Variants in CEP170B observed in about 807,000 individuals in gnomAD.
CEP170B encodes the protein centrosomal protein 170B, also known as centrosomal protein of 170 kDa protein B.
CEP170B carries 55 observed loss-of-function variants against 120.6 expected under a neutral mutation model. That is an observed-to-expected ratio of 0.46 (90% CI 0.37 to 0.57). CEP170B has a LOEUF of 0.57. Ranked by LOEUF, CEP170B falls within the 20% of genes least tolerant of loss-of-function variation. The probability of loss-of-function intolerance (pLI) is 0.00; values close to 1 mark genes in which losing one functional copy is unlikely to be tolerated. For synonymous variants in CEP170B, 1,033 were observed against 954.5 expected, an observed-to-expected ratio of 1.08 and a Z score of -1.52; for missense variants, 2,212 against 2,253.3, an observed-to-expected ratio of 0.98 and a Z score of 0.37.
At chr14:104,880,481 GC>G in intron 6 of CEP170B, 56 bp downstream of exon 6, 2 of 1,582,584 alleles carry the variant, frequency 1.3e-6, no homozygotes, top group Non-Finnish European at 1.7e-6. Flanking sequence ...CAGGCCCTCT[GC>G]CCCGCACCTG....
intron 13 of CEP170B, among the ~76,000 whole-genome samples, chr14:104,890,074 ATGGG>A (rs1896730532): frequency 3.8e-5 from 2 of 52,898 alleles, no homozygotes; most frequent in African/African-American, 7.7e-5. Flanking sequence ...GGGTGGGTGG[ATGGG>A]TGGATGGCTG....
At chr14:104,885,008 A>C (rs1363541845) in intron 9 of CEP170B, among the ~76,000 whole-genome samples, 2 of 79,352 alleles carry the variant, frequency 2.5e-5, no homozygotes, top group Admixed American at 3.4e-4. Flanking sequence ...TCGGGGGTGG[A>C]GGCGATGCCG....
At position 104,868,280 on chromosome 14, in the gene CEP170B, G is replaced by C; in HGVS notation, c.-27-144G>C. Reference sequence around the variant, plus strand: ...TCGGGACCATACCCAGGGAGGGCGGGTGGCCTGATGAGGCTGGAGCCCAGC... The same window carrying C: ...TCGGGACCATACCCAGGGAGGGCGGCTGGCCTGATGAGGCTGGAGCCCAGC... On this transcript the variant is annotated intron_variant, in intron 1 of 18. Transcript: ENST00000414716. This position sits in a 1 kb window ranked among gnomAD's most constrained non-coding sequence, Gnocchi z 5.9. The C allele has an allele frequency of 1.6e-6, 1 of 613,912 alleles. No homozygotes were observed. The highest frequency in any genetic ancestry group is 2.8e-6 in the Non-Finnish European group (1 of 351,050). The allele number at this position is 613,912 out of a possible 1,614,324, so 38.0% of individuals were successfully genotyped here. A position where few individuals can be genotyped will look rare whatever the true frequency, so the allele number is the denominator to read the frequency against.
chr14:104,876,403 C>T, intron 3 of CEP170B, 58 bp downstream of exon 3: 1 of 1,497,628 alleles, frequency 6.7e-7, no homozygotes, highest in Non-Finnish European at 9.1e-7. Context: ...AGCCCTGGCC[C>T]CTCCCTCTCA....
In CEP170B at chr14:104,889,679, C is replaced by G; in HGVS notation, c.3799C>G (p.Arg1267Gly). ...SRARSRAPGP[R>G]DTDDDEEEPD... Reference sequence around the variant, plus strand: ...GGCTCGTTCCCGGGCCCCCGGCCCCCGGGACACGGACGACGATGAGGAGGA... The same window carrying G: ...GGCTCGTTCCCGGGCCCCCGGCCCCGGGGACACGGACGACGATGAGGAGGA... Residue 1267 changes from arginine to glycine, a missense_variant, in exon 13 of 19, where the codon CGG becomes GGG. Coordinates refer to ENST00000414716, the MANE Select transcript of CEP170B (RefSeq NM_001112726.3). The G allele has an allele frequency of 6.2e-7, 1 of 1,612,106 alleles. No individual in the cohort carries two copies. Among genetic ancestry groups the G allele is most frequent in the South Asian group, 1.1e-5 (1 of 91,054 alleles).
rs1421770647 is a variant in CEP170B, at chr14:104,887,634, G to C, written c.3395G>C (p.Gly1132Ala). 6.4e-7 allele frequency: 1 copy of C among 1,561,098 alleles called. No homozygotes were observed. Among genetic ancestry groups the C allele is most frequent in the Non-Finnish European group, 8.7e-7 (1 of 1,155,536 alleles). ...TCCCGGCTGAGGCGGGCCCGGCTGG[G>C]GGACGCTTCAGACACTGAGGCTGCG... ...RASRLRRARL[G>A]DASDTEAADG... is the part of the protein sequence containing the mutation. The change falls in exon 12 of 19, where the codon GGG becomes GCG. Residue 1132 changes from glycine (G) to alanine (A), a missense_variant. Around this residue, in one of 2 missense-constraint regions of CEP170B, gnomAD observed 2,166 missense variants for 2,166.7 expected, o/e 1.00. Coordinates refer to ENST00000414716, the MANE Select transcript of CEP170B (RefSeq NM_001112726.3).
intron 3 of CEP170B, 145 bp downstream of exon 3, chr14:104,876,490 G>T: frequency 1.5e-6 from 1 of 664,198 alleles, no homozygotes; most frequent in South Asian, 1.8e-5. Flanking sequence ...TCCTCCCCCA[G>T]CCATAGCCCC....
intron 2 of CEP170B, among the ~76,000 whole-genome samples, chr14:104,873,688 A>T (rs186101619): frequency 6.6e-5 from 10 of 152,020 alleles, no homozygotes; most frequent in Admixed American, 4.6e-4. Flanking sequence ...CCAGGCTGGA[A>T]ACCCCTCCAG....
intron 2 of CEP170B, among the ~76,000 whole-genome samples, chr14:104,872,255 T>G (rs548580316): frequency 4.7e-5 from 6 of 126,724 alleles, no homozygotes; most frequent in African/African-American, 1.9e-4. Flanking sequence ...GTGTGTGCCA[T>G]GTGTGTGCGT....
chr14:104,886,318 G>C lies in CEP170B; in HGVS notation c.2079G>C (p.Leu693=). 6.5e-7 allele frequency: 1 copy of C among 1,549,498 alleles called. No individual in the cohort carries two copies. The highest frequency in any genetic ancestry group is 8.7e-7 in the Non-Finnish European group (1 of 1,152,140). Residue 693 remains leucine (L), a synonymous_variant, in exon 12 of 19, where the codon CTG becomes CTC. Transcript: ENST00000414716. Reference sequence around the variant, plus strand: ...GAGGCGGGGAGCCGGAGGGGTCCCTGCCTGTGCGCATGCGGCGACGGCTCC... The same window carrying C: ...GAGGCGGGGAGCCGGAGGGGTCCCTCCCTGTGCGCATGCGGCGACGGCTCC... The part of the protein sequence containing the change: ...GRRGGEPEGS[L]PVRMRRRLPQ...
rs747803060 is a variant in CEP170B at position 104,891,745 on chromosome 14, G to C, written c.3879-1231G>C. Among the ~76,000 whole-genome samples, 1 of 152,130 alleles carries C rather than the reference G, an allele frequency of 6.6e-6. No individual in the cohort carries two copies. Among genetic ancestry groups the C allele is most frequent in the African/African-American group, 2.4e-5 (1 of 41,414 alleles). ...TCTGGAGTTCTCTGCCTTCCATGGT[G>C]GGTGAGCTGGAGCATGCCATATGAC... is the stretch of plus-strand genomic sequence containing the variant. On this transcript the variant is annotated intron_variant, in intron 13 of 18. Transcript: ENST00000414716. The surrounding 1 kb of genome is among the most constrained non-coding windows in gnomAD (Gnocchi z 4.3).
In CEP170B at chr14:104,894,387, T is replaced by C. The variant is rs776678908; in HGVS notation, c.4365+9T>C. On this transcript the variant is annotated intron_variant, in intron 17 of 18. Transcript: ENST00000414716. ...TGAAGACATCTAACAAGGTGAGCGC[T>C]GGGGCCCCGTGCCCCTTGGCCTGCC... 3.7e-6 allele frequency: 6 copies of C among 1,612,372 alleles called. No individual in the cohort carries two copies. The highest frequency in any genetic ancestry group is 4.2e-6 in the Non-Finnish European group (5 of 1,179,036).
chr14:104,875,939 G>A (rs531172499), intron 2 of CEP170B, among the ~76,000 whole-genome samples: 25 of 152,298 alleles, frequency 1.6e-4, no homozygotes, highest in East Asian at 1.9e-4. Flanking sequence ...CCTGGCTGCC[G>A]CCACCTGACC....
intron 2 of CEP170B, among the ~76,000 whole-genome samples, chr14:104,874,666 C>A (rs1312621283): frequency 1.3e-5 from 2 of 152,006 alleles, no homozygotes; most frequent in Non-Finnish European, 2.9e-5. Context: ...AGTCCCTGCC[C>A]CCGGTCCTCC....
intron 2 of CEP170B, among the ~76,000 whole-genome samples, chr14:104,872,688 C>A (rs1385997144): frequency 6.6e-6 from 1 of 152,072 alleles, no homozygotes; most frequent in Non-Finnish European, 1.5e-5. Context: ...CCTTCTGTGC[C>A]CCGTGCATCG....
chr14:104,869,412 T>TG (rs1191982301), intron 2 of CEP170B, among the ~76,000 whole-genome samples: 1 of 152,188 alleles, frequency 6.6e-6, no homozygotes, highest in African/African-American at 2.4e-5. Context: ...CTGCCGCACA[T>TG]GCCCGGGCCA....
Position 104,886,038 on chromosome 14 carries a change from A to G in CEP170B, c.1945-2A>G. The stretch of plus-strand genomic sequence containing the variant: ...GAAACACTCCCACCCTCCTCTCCAC[A>G]GGGCCTCCCGGTGCCGGGCTCCCCT... On this transcript the variant is annotated splice_acceptor_variant, in intron 10 of 18. Coordinates refer to ENST00000414716, the MANE Select transcript of CEP170B (RefSeq NM_001112726.3). LOFTEE classifies it high-confidence loss of function. 1 of 1,532,992 alleles carries G rather than the reference A, an allele frequency of 6.5e-7. No individual in the cohort carries two copies. The highest frequency in any genetic ancestry group is 8.8e-7 in the Non-Finnish European group (1 of 1,139,064). 95.0% of individuals were successfully genotyped at this position (1,532,992 alleles called of 1,614,324 possible). A position where few individuals can be genotyped will look rare whatever the true frequency, so the allele number is the denominator to read the frequency against.
At chr14:104,878,941 G>A (rs1896001526) in intron 5 of CEP170B, among the ~76,000 whole-genome samples, 1 of 152,310 alleles carries the variant, frequency 6.6e-6, no homozygotes, top group Admixed American at 6.5e-5. Flanking sequence ...AAGCTGCTGG[G>A]GTCACCCTGC....
At chr14:104,871,525 C>T (rs1895486539) in intron 2 of CEP170B, among the ~76,000 whole-genome samples, 1 of 152,152 alleles carries the variant, frequency 6.6e-6, no homozygotes, top group Non-Finnish European at 1.5e-5. Context: ...GCCCCCTCCA[C>T]AGTCCTTGCT....
Sources: allele counts gnomAD v4.1 joint callset (sites outside exome capture counted in the v4.1 genomes callset), GRCh38; gene constraint gnomAD v4.1.1; regional missense constraint gnomAD v4.1.1; non-coding constraint Gnocchi (gnomAD v3.1); transcripts MANE v1.5; gene names NCBI Gene and HGNC (gene_info 2026-07-23, HGNC 2026-07-21).